The following PGBD2 variants were observed in gnomAD, a reference collection of about 807,000 sequenced individuals.
The protein encoded by PGBD2 is piggyBac transposable element derived 2.
In PGBD2, 6 loss-of-function variants were observed where a neutral mutation model predicts 8.1. That is an observed-to-expected ratio of 0.74 (90% CI 0.40 to 1.46). The LOEUF (loss-of-function observed/expected upper bound fraction) is 1.46, where lower values mean the gene tolerates loss of function less well. Among genes scored for constraint, PGBD2 ranks in the 40% most tolerant of loss-of-function variants. The pLI, the probability that PGBD2 is intolerant of heterozygous loss-of-function variation, is 0.02. For synonymous variants in PGBD2, 318 were observed against 272.2 expected, an observed-to-expected ratio of 1.17 and a Z score of -1.66; for missense variants, 802 against 739.0, an observed-to-expected ratio of 1.09 and a Z score of -0.99.
chr1:248,918,962 G>A lies in PGBD2; in HGVS notation c.*599G>A, dbSNP rs561586874. On this transcript the variant is annotated 3_prime_UTR_variant, in exon 3 of 3. Coordinates refer to ENST00000329291, the MANE Select transcript of PGBD2 (RefSeq NM_170725.3). ...AAAAATTATTTTTTTAATTTTGTGGGTACATAGTAGGAGTGTATTTTTATG... is the reference window on the plus strand; with the variant it reads ...AAAAATTATTTTTTTAATTTTGTGGATACATAGTAGGAGTGTATTTTTATG... 8 of 166,820 alleles carry A rather than the reference G, an allele frequency of 4.8e-5. No homozygotes were observed. The highest frequency in any genetic ancestry group is 1.2e-4 in the Non-Finnish European group (8 of 68,090). The allele number at this position is 166,820 out of a possible 1,614,324, so 10.3% of individuals were successfully genotyped here.
chr1:248,908,381 T>G (rs991307108), intron 1 of PGBD2, among the ~76,000 whole-genome samples: 2 of 152,172 alleles, frequency 1.3e-5, no homozygotes, highest in African/African-American at 4.8e-5. Flanking sequence ...TTCCTCCCAG[T>G]GCTGCTAGGC....
At chr1:248,878,246 C>A in the PGBD2 span, among the ~76,000 whole-genome samples, 1 of 151,292 alleles carries the variant, frequency 6.6e-6, no homozygotes, top group Admixed American at 6.6e-5. Flanking sequence ...GGGGCGCAAT[C>A]TCGGCTCACT....
downstream of PGBD2, among the ~76,000 whole-genome samples, chr1:248,922,929 G>A (rs554109050): frequency 2.0e-5 from 3 of 152,270 alleles, no homozygotes; most frequent in African/African-American, 7.2e-5. Context: ...TTTCTTTCTT[G>A]TGTCTCTGCC....
In PGBD2 at chr1:248,906,332, G is replaced by C. The variant is rs1661634614; in HGVS notation, c.-58G>C. On this transcript the variant is annotated 5_prime_UTR_variant, in exon 1 of 3. Transcript: ENST00000329291. Reference sequence around the variant, plus strand: ...GTTCGGGCTCGCGAGTCTCCGTCTGGGGTAGGGCAGGTAGGCCTCAGTGTG... The same window carrying C: ...GTTCGGGCTCGCGAGTCTCCGTCTGCGGTAGGGCAGGTAGGCCTCAGTGTG... The C allele has an allele frequency of 6.6e-6, 1 of 152,094 alleles. No homozygotes were observed. The highest frequency in any genetic ancestry group is 1.9e-4 in the East Asian group (1 of 5,160). 9.4% of individuals were successfully genotyped at this position (152,094 alleles called of 1,614,324 possible). A position where few individuals can be genotyped will look rare whatever the true frequency, so the allele number is the denominator to read the frequency against.
At chr1:248,908,363 C>G (rs1661733877) in intron 1 of PGBD2, among the ~76,000 whole-genome samples, 1 of 152,152 alleles carries the variant, frequency 6.6e-6, no homozygotes, top group Admixed American at 6.5e-5. Flanking sequence ...CGTGACCACC[C>G]TCTGCTCTTC....
downstream of PGBD2, among the ~76,000 whole-genome samples, chr1:248,921,302 T>G (rs374320230): frequency 5.9e-5 from 9 of 152,218 alleles, no homozygotes; most frequent in African/African-American, 1.9e-4. Flanking sequence ...TGATCCATCT[T>G]GAGTTGATTT....
intron 1 of PGBD2, among the ~76,000 whole-genome samples, chr1:248,913,514 G>A (rs1283621828): frequency 6.6e-6 from 1 of 152,056 alleles, no homozygotes; most frequent in Non-Finnish European, 1.5e-5. Context: ...ATGTTCTACT[G>A]GCATCTATTA....
chr1:248,887,125 A>G, the PGBD2 span, among the ~76,000 whole-genome samples: 3 of 152,098 alleles, frequency 2.0e-5, no homozygotes, highest in African/African-American at 7.3e-5. Flanking sequence ...ATAAAAAAAT[A>G]TAGCCTTCAC....
chr1:248,924,881 C>T (rs537365279), downstream of PGBD2, among the ~76,000 whole-genome samples: 1 of 152,224 alleles, frequency 6.6e-6, no homozygotes, highest in East Asian at 1.9e-4. Context: ...AAGTGCCACA[C>T]AAATATAAAT....
At chr1:248,925,513 A>G in the PGBD2 span, among the ~76,000 whole-genome samples, 2 of 152,076 alleles carry the variant, frequency 1.3e-5, no homozygotes, top group African/African-American at 4.8e-5. Context: ...CATATTAATC[A>G]TAAATTCAAA....
the PGBD2 span, among the ~76,000 whole-genome samples, chr1:248,893,601 T>C: frequency 6.6e-6 from 1 of 152,252 alleles, no homozygotes; most frequent in Non-Finnish European, 1.5e-5. Flanking sequence ...TATGTTTGTG[T>C]ATACACATGT....
the PGBD2 span, among the ~76,000 whole-genome samples, chr1:248,881,103 C>T: frequency 6.6e-6 from 1 of 152,082 alleles, no homozygotes; most frequent in Non-Finnish European, 1.5e-5. Context: ...GCCCAAACAT[C>T]CCGTGGAGTA....
chr1:248,915,362 C>G (rs1188337623), intron 2 of PGBD2, among the ~76,000 whole-genome samples: 1 of 152,170 alleles, frequency 6.6e-6, no homozygotes, highest in Non-Finnish European at 1.5e-5. Flanking sequence ...TTTCAGTACC[C>G]ATACTGTCAC....
At chr1:248,896,966 C>T in the PGBD2 span, among the ~76,000 whole-genome samples, 1 of 152,194 alleles carries the variant, frequency 6.6e-6, no homozygotes, top group African/African-American at 2.4e-5. Flanking sequence ...GTAGAGGTTC[C>T]TCTTCAAAGA....
downstream of PGBD2, among the ~76,000 whole-genome samples, chr1:248,921,527 G>A (rs1662287365): frequency 6.6e-6 from 1 of 152,128 alleles, no homozygotes; most frequent in African/African-American, 2.4e-5. Flanking sequence ...ATGCTGTTTT[G>A]CTTACTGTAG....
At position 248,916,791 on chromosome 1, in the gene PGBD2, C is replaced by T. The variant is rs1300280585; in HGVS notation, c.207C>T (p.His69=). Residue 69 remains histidine, a synonymous_variant, in exon 3 of 3, where the codon CAC becomes CAT. Coordinates refer to ENST00000329291, the MANE Select transcript of PGBD2 (RefSeq NM_170725.3). Reference sequence around the variant, plus strand: ...ATGAAGACAGCCAGCGAGGTGCTCACCTACCTGGCAGTGTGCTGCATGCTT... The same window carrying T: ...ATGAAGACAGCCAGCGAGGTGCTCATCTACCTGGCAGTGTGCTGCATGCTT... ...SGDEDSQRGA[H]LPGSVLHASV... 3 of 1,614,196 alleles carry T rather than the reference C, an allele frequency of 1.9e-6. No homozygotes were observed. The highest frequency in any genetic ancestry group is 1.6e-4 in the Middle Eastern group (1 of 6,062).
downstream of PGBD2, among the ~76,000 whole-genome samples, chr1:248,920,311 C>G (rs113105326): frequency 3.3e-5 from 5 of 152,214 alleles, no homozygotes; most frequent in African/African-American, 1.2e-4. Flanking sequence ...CCCCCACCCC[C>G]TGACAGGTCC....
the PGBD2 span, among the ~76,000 whole-genome samples, chr1:248,887,248 C>G: frequency 6.6e-6 from 1 of 152,158 alleles, no homozygotes; most frequent in Non-Finnish European, 1.5e-5. Context: ...TCAAATTTCC[C>G]CAGCTTTCTC....
chr1:248,923,542 C>T (rs1414945735), downstream of PGBD2, among the ~76,000 whole-genome samples: 4 of 152,202 alleles, frequency 2.6e-5, no homozygotes, highest in Admixed American at 1.3e-4. Context: ...TCATGCCTCT[C>T]AGTTCCCAGC....
Sources: gnomAD v4.1 joint callset for allele counts (sites outside exome capture counted in the v4.1 genomes callset) on GRCh38, gnomAD v4.1.1 for gene constraint, MANE v1.5 for transcripts, NCBI Gene and HGNC (gene_info 2026-07-23, HGNC 2026-07-21) for gene names.